The following ATP6V0E1 variants were observed in gnomAD, a reference collection of about 807,000 sequenced individuals.
ATP6V0E1 encodes the protein V-type proton ATPase subunit e 1.
ATP6V0E1 carries 4 observed loss-of-function variants against 11.6 expected under a neutral mutation model. The observed-to-expected ratio is 0.35, with a 90% confidence interval of 0.17 to 0.79. The LOEUF (loss-of-function observed/expected upper bound fraction) is 0.79, where lower values mean the gene tolerates loss of function less well. Ranked by LOEUF, ATP6V0E1 falls within the 30% of genes least tolerant of loss-of-function variation. ATP6V0E1 has a pLI of 0.54. For missense variants in ATP6V0E1, 105 were observed against 100.0 expected (o/e 1.05, Z -0.21); for synonymous variants, 36 against 34.8 (o/e 1.04, Z -0.13).
intron 2 of ATP6V0E1, among the ~76,000 whole-genome samples, chr5:173,017,534 A>G (rs1364231809): frequency 1.8e-5 from 2 of 114,042 alleles, no homozygotes; most frequent in African/African-American, 4.0e-5. Context: ...GACTTCGTCT[A>G]AAAAAAAAAA....
At chr5:172,999,966 A>G (rs939770874) in intron 2 of ATP6V0E1, among the ~76,000 whole-genome samples, 3 of 152,204 alleles carry the variant, frequency 2.0e-5, no homozygotes, top group African/African-American at 7.2e-5. Context: ...TACACACCTT[A>G]TTCCACAAAA....
intron 1 of ATP6V0E1, chr5:172,986,777 TTTTGTTTG>T (rs142836180): frequency 0.019 from 7,945 of 427,056 alleles, 471 homozygotes; most frequent in African/African-American, 0.14. Flanking sequence ...TTTTTGTTGT[TTTTGTTTG>T]TTTGTTTGTT....
chr5:173,033,535 T>C (rs1465879175), intron 3 of ATP6V0E1, among the ~76,000 whole-genome samples: 1 of 152,136 alleles, frequency 6.6e-6, no homozygotes, highest in Admixed American at 6.5e-5. Flanking sequence ...GATGTTGTTT[T>C]CCTAGTACAT....
Position 173,022,377 on chromosome 5 carries a change from C to T in ATP6V0E1, c.*36+2010C>T, listed in dbSNP as rs115331677. Reference sequence around the variant, plus strand: ...AGCCTGGTTCCTTCATTTGTAAAGTCCTTTTTATCAAGTGATTTTATCCAT... The same window carrying T: ...AGCCTGGTTCCTTCATTTGTAAAGTTCTTTTTATCAAGTGATTTTATCCAT... On this transcript the variant is annotated intron_variant, in intron 3 of 3. Transcript: ENST00000519374. 5.0e-3 allele frequency among the ~76,000 whole-genome samples: 765 copies of T among 152,176 alleles called. 8 individuals are homozygous for T. Among genetic ancestry groups the T allele is most frequent in the African/African-American group, 0.018 (728 of 41,506 alleles).
At chr5:173,011,637 T>A (rs1288116562) in intron 2 of ATP6V0E1, among the ~76,000 whole-genome samples, 1 of 152,094 alleles carries the variant, frequency 6.6e-6, no homozygotes, top group African/African-American at 2.4e-5. Context: ...ATGCAGAACT[T>A]AGACTTGATC....
chr5:173,025,284 A>G (rs1280306781), intron 3 of ATP6V0E1, among the ~76,000 whole-genome samples: 1 of 149,942 alleles, frequency 6.7e-6, no homozygotes, highest in African/African-American at 2.5e-5. Flanking sequence ...AGCTGGGACT[A>G]TAGGCACACA....
rs964354945 is a variant in ATP6V0E1 at position 172,988,852 on chromosome 5, C to T, written c.104+4888C>T. On this transcript the variant is annotated intron_variant, in intron 1 of 3. Coordinates refer to ENST00000519374, the MANE Select transcript of ATP6V0E1 (RefSeq NM_003945.4). ...TACAGGCGCACGTCACCATGCTTGA[C>T]TAATTTTTGTATTTTTAGTAGAGGC... Among the ~76,000 whole-genome samples, 5 of 152,144 alleles carry T rather than the reference C, an allele frequency of 3.3e-5. No homozygotes were observed. The East Asian group carries it at 9.6e-4, about 29-fold the overall frequency.
intron 2 of ATP6V0E1, among the ~76,000 whole-genome samples, chr5:173,003,064 G>A (rs1447509465): frequency 1.3e-5 from 2 of 152,044 alleles, no homozygotes; most frequent in Admixed American, 1.3e-4. Flanking sequence ...GTTCTGGCAG[G>A]GTAATGTTGG....
chr5:173,015,786 G>A (rs1334258675), intron 2 of ATP6V0E1, among the ~76,000 whole-genome samples: 3 of 152,156 alleles, frequency 2.0e-5, no homozygotes, highest in African/African-American at 4.8e-5. Context: ...AAGTGCAGTG[G>A]TGCGACCTTG....
At chr5:172,984,891 A>G (rs938162215) in intron 1 of ATP6V0E1, among the ~76,000 whole-genome samples, 1 of 152,236 alleles carries the variant, frequency 6.6e-6, no homozygotes, top group African/African-American at 2.4e-5. Context: ...AGTACCTTGT[A>G]TGCACAGGAG....
chr5:173,019,531 G>A (rs1431860880), intron 2 of ATP6V0E1, among the ~76,000 whole-genome samples: 2 of 151,702 alleles, frequency 1.3e-5, no homozygotes, highest in African/African-American at 4.8e-5. Context: ...TCTGGACTGG[G>A]CGAAAGAGCG....
At chr5:173,029,649 A>G (rs550009141) in intron 3 of ATP6V0E1, among the ~76,000 whole-genome samples, 2 of 152,298 alleles carry the variant, frequency 1.3e-5, no homozygotes, top group East Asian at 3.9e-4. Context: ...TGGGGCCTGC[A>G]GCAGGATTTT....
chr5:172,996,574 A>AATACATACATACATACATAC (rs534005934), intron 2 of ATP6V0E1, among the ~76,000 whole-genome samples: 6 of 151,800 alleles, frequency 4.0e-5, no homozygotes, highest in African/African-American at 1.5e-4. Flanking sequence ...AAAAAAAAAA[A>AATACATACATACATACATAC]ATACATACAT....
intron 2 of ATP6V0E1, among the ~76,000 whole-genome samples, chr5:173,009,949 A>T (rs1756294177): frequency 6.6e-6 from 1 of 150,946 alleles, no homozygotes; most frequent in South Asian, 2.1e-4. Context: ...TTTTTAGTAG[A>T]GACGGGGTTT....
At chr5:173,030,152 T>C (rs1756627290) in intron 3 of ATP6V0E1, among the ~76,000 whole-genome samples, 1 of 152,216 alleles carries the variant, frequency 6.6e-6, no homozygotes, top group African/African-American at 2.4e-5. Flanking sequence ...TTCAAAGTGA[T>C]TTCTTTTCTT....
chr5:173,015,817 C>T (rs1756390533), intron 2 of ATP6V0E1, among the ~76,000 whole-genome samples: 1 of 152,144 alleles, frequency 6.6e-6, no homozygotes, highest in African/African-American at 2.4e-5. Context: ...ACCTCTGCCT[C>T]CCAGGTTCAA....
At chr5:172,992,643 C>G (rs990905144) in intron 1 of ATP6V0E1, among the ~76,000 whole-genome samples, 5 of 152,146 alleles carry the variant, frequency 3.3e-5, no homozygotes, top group Non-Finnish European at 7.3e-5. Context: ...CCTGGTAGAC[C>G]CCGTCTCCCT....
intron 3 of ATP6V0E1, among the ~76,000 whole-genome samples, chr5:173,030,317 T>A (rs191518826): frequency 2.5e-4 from 38 of 152,310 alleles, no homozygotes; most frequent in African/African-American, 9.1e-4. Flanking sequence ...TTATCTAAAA[T>A]TTTTAAACAG....
In ATP6V0E1 at chr5:173,032,249, T is replaced by TTTTATTTA. The variant is rs1205061181; in HGVS notation, c.*37-2102_*37-2095dup. Among the ~76,000 whole-genome samples, 10 of 132,284 alleles carry TTTTATTTA rather than the reference T, an allele frequency of 7.6e-5. 1 individual carries two copies. The South Asian group carries it at 9.2e-4, about 12-fold the overall frequency. The allele number at this position is 132,284 out of a possible 152,430, so 86.8% of individuals were successfully genotyped here. On this transcript the variant is annotated intron_variant, in intron 3 of 3. Transcript: ENST00000519374. The stretch of plus-strand genomic sequence containing the variant: ...ATAATGCACATTTACTTTTATTTTA[T>TTTTATTTA]TTTATTTATTTATTTATTTATTTAT...
Sources: gnomAD v4.1 joint callset for allele counts (sites outside exome capture counted in the v4.1 genomes callset) on GRCh38, gnomAD v4.1.1 for gene constraint, MANE v1.5 for transcripts, NCBI Gene and HGNC (gene_info 2026-07-23, HGNC 2026-07-21) for gene names.